MGARP: variants seen among roughly 807,000 people sequenced by gnomAD.
The protein encoded by MGARP is protein MGARP.
In MGARP, 12 loss-of-function variants were observed where a neutral mutation model predicts 11.0. That is an observed-to-expected ratio of 1.09 (90% confidence interval 0.70 to 1.77). The LOEUF (loss-of-function observed/expected upper bound fraction) is 1.77. Ranked by LOEUF, MGARP falls within the 40% of genes most tolerant of loss-of-function variation. MGARP has a pLI of 0.00. For missense variants in MGARP, 283 were observed against 297.8 expected (o/e 0.95, Z 0.36); for synonymous variants, 110 against 115.4 (o/e 0.95, Z 0.30).
intron 2 of MGARP, among the ~76,000 whole-genome samples, chr4:139,269,366 T>C (rs912006526): frequency 7.2e-5 from 11 of 152,048 alleles, no homozygotes; most frequent in Admixed American, 3.9e-4. Context: ...CGGTGGCTCA[T>C]GCCTGTAATC....
At chr4:139,273,236 T>C (rs1462109413) in intron 2 of MGARP, among the ~76,000 whole-genome samples, 1 of 151,998 alleles carries the variant, frequency 6.6e-6, no homozygotes, top group African/African-American at 2.4e-5. Flanking sequence ...ATTATTTTTT[T>C]TGAGACAGGG....
intron 3 of MGARP, 66 bp from the exon 4 acceptor site, chr4:139,267,107 G>A (rs746014931): frequency 6.6e-6 from 10 of 1,510,928 alleles, no homozygotes; most frequent in African/African-American, 2.8e-5. Flanking sequence ...GAAACACTGC[G>A]GTCGTTTAAA....
rs1230470437 is a variant in MGARP, at chr4:139,275,398, A to G, written c.83-6T>C. On this transcript the variant is annotated splice_region_variant and splice_polypyrimidine_tract_variant and intron_variant, in intron 1 of 3. Transcript: ENST00000398955. ...TGACATCCGGCGCAGAGATGCTAGG[A>G]AAAAAATGTTTAAACACAGTTAGCT... The G allele has an allele frequency of 1.2e-6, 2 of 1,605,630 alleles. No homozygotes were observed. The highest frequency in any genetic ancestry group is 1.7e-4 in the Middle Eastern group (1 of 6,032).
rs1405582103 is a variant in MGARP, at chr4:139,266,953, T to C, written c.369A>G (p.Glu123=). The C allele has an allele frequency of 1.2e-6, 2 of 1,614,226 alleles. No individual in the cohort carries two copies. The highest frequency in any genetic ancestry group is 1.7e-6 in the Non-Finnish European group (2 of 1,180,022). Residue 123 remains glutamate, a synonymous_variant, in exon 4 of 4, where the codon GAA becomes GAG. Coordinates refer to ENST00000398955, the MANE Select transcript of MGARP (RefSeq NM_032623.4). ...CCACAACTGTAGCACTGGGACTTTC[T>C]TCAGCATCTACCACCTCAGCTTCCA... ...LIVEAEVVDA[E]ESPSATVVVI... is the part of the protein sequence containing the mutation.
intron 1 of MGARP, among the ~76,000 whole-genome samples, chr4:139,277,392 C>T (rs757829914): frequency 2.6e-5 from 4 of 152,116 alleles, no homozygotes; most frequent in African/African-American, 9.7e-5. Flanking sequence ...AAGAGGTTAT[C>T]GCTTTGACTT....
intron 2 of MGARP, among the ~76,000 whole-genome samples, chr4:139,271,352 C>A (rs1331625735): frequency 6.6e-6 from 1 of 152,046 alleles, no homozygotes; most frequent in East Asian, 1.9e-4. Context: ...ATGGTGAAAC[C>A]TCATCTCTAC....
chr4:139,279,618 C>T (rs1024038932), intron 1 of MGARP, among the ~76,000 whole-genome samples: 4 of 152,150 alleles, frequency 2.6e-5, no homozygotes, highest in Non-Finnish European at 2.9e-5. Flanking sequence ...TTGCCGGGCC[C>T]GCTCGCTGAT....
chr4:139,267,564 T>A (rs1249721227), intron 3 of MGARP, among the ~76,000 whole-genome samples: 1 of 152,180 alleles, frequency 6.6e-6, no homozygotes, highest in Non-Finnish European at 1.5e-5. Flanking sequence ...ATTGATAATA[T>A]CTACTGCACA....
intron 3 of MGARP, 70 bp from the exon 4 acceptor site, chr4:139,267,111 G>A (rs1050833654): frequency 2.7e-6 from 4 of 1,460,182 alleles, no homozygotes; most frequent in African/African-American, 2.8e-5. Flanking sequence ...CACTGCGGTC[G>A]TTTAAACACC....
intron 2 of MGARP, 51 bp from the exon 3 acceptor site, chr4:139,268,816 A>T: frequency 3.6e-6 from 5 of 1,380,184 alleles, no homozygotes; most frequent in Non-Finnish European, 5.1e-6. Flanking sequence ...AAGATTTGTC[A>T]CGCCACATCC....
intron 1 of MGARP, among the ~76,000 whole-genome samples, chr4:139,278,541 G>A (rs1744906947): frequency 6.6e-6 from 1 of 152,096 alleles, no homozygotes; most frequent in South Asian, 2.1e-4. Context: ...AAATTGGGAA[G>A]AAAATTATTT....
In MGARP at chr4:139,270,460, T is replaced by A. The variant is rs189032289; in HGVS notation, c.187-1695A>T. ...CCATCTCTACAAAAAGTACAAAAAA[T>A]TAGCCAGGAGTGGTGGCGGGCGCCT... On this transcript the variant is annotated intron_variant, in intron 2 of 3. Coordinates refer to ENST00000398955, the MANE Select transcript of MGARP (RefSeq NM_032623.4). 5.7e-3 allele frequency among the ~76,000 whole-genome samples: 860 copies of A among 150,538 alleles called. 4 individuals carry two copies. Among genetic ancestry groups the A allele is most frequent in the African/African-American group, 0.02 (807 of 40,934 alleles).
intron 2 of MGARP, among the ~76,000 whole-genome samples, chr4:139,274,267 T>G (rs1320564726): frequency 6.6e-6 from 1 of 152,072 alleles, no homozygotes; most frequent in African/African-American, 2.4e-5. Context: ...AAAGAGTGGA[T>G]CCTAATGTAA....
At chr4:139,272,981 G>A (rs531367977) in intron 2 of MGARP, among the ~76,000 whole-genome samples, 22 of 151,984 alleles carry the variant, frequency 1.4e-4, no homozygotes, top group African/African-American at 4.8e-4. Flanking sequence ...CCACCGGCCC[G>A]GCTTTATTCA....
chr4:139,276,230 TGGA>T (rs1744871496), intron 1 of MGARP, among the ~76,000 whole-genome samples: 2 of 152,176 alleles, frequency 1.3e-5, no homozygotes, highest in Non-Finnish European at 2.9e-5. Context: ...ACTACGTATT[TGGA>T]ATTGTTAGAA....
intron 3 of MGARP, among the ~76,000 whole-genome samples, chr4:139,267,831 G>A (rs1350387057): frequency 3.3e-5 from 5 of 152,128 alleles, no homozygotes; most frequent in Non-Finnish European, 7.4e-5. Context: ...AGCAAGAAGT[G>A]GCTAGGCATA....
chr4:139,279,187 C>T (rs142217434), intron 1 of MGARP, among the ~76,000 whole-genome samples: 1 of 152,332 alleles, frequency 6.6e-6, no homozygotes, highest in Non-Finnish European at 1.5e-5. Context: ...CAGAACCGCC[C>T]TGGAGCGCAA....
At chr4:139,279,445 A>G (rs948838689) in intron 1 of MGARP, among the ~76,000 whole-genome samples, 18 of 152,280 alleles carry the variant, frequency 1.2e-4, no homozygotes, top group African/African-American at 4.3e-4. Flanking sequence ...ACCTCAAAGG[A>G]AAGTGTCCCG....
chr4:139,280,033 C>G, intron 1 of MGARP, 44 bp downstream of exon 1: 1 of 1,601,740 alleles, frequency 6.2e-7, no homozygotes, highest in African/African-American at 1.3e-5. Flanking sequence ...AAATCTGCAC[C>G]CGAGGCGCCC....
Sources: allele counts gnomAD v4.1 joint callset (sites outside exome capture counted in the v4.1 genomes callset), GRCh38; gene constraint gnomAD v4.1.1; transcripts MANE v1.5; gene names NCBI Gene and HGNC (gene_info 2026-07-23, HGNC 2026-07-21).